GGACT: variants seen among roughly 807,000 people sequenced by gnomAD.
GGACT encodes the protein gamma-glutamylaminecyclotransferase.
For missense variants in GGACT, 241 were observed against 233.2 expected (o/e 1.03, Z -0.22); for synonymous variants, 118 against 115.3 (o/e 1.02, Z -0.15).
At chr13:100,553,957 A>G (rs774551622) in intron 2 of GGACT, among the ~76,000 whole-genome samples, 3 of 152,186 alleles carry the variant, frequency 2.0e-5, no homozygotes, top group Non-Finnish European at 4.4e-5. Flanking sequence ...ATACTTTCAT[A>G]AAATGTACAC....
intron 2 of GGACT, among the ~76,000 whole-genome samples, chr13:100,547,258 CAATG>C (rs1169476121): frequency 6.6e-6 from 1 of 152,160 alleles, no homozygotes; most frequent in Non-Finnish European, 1.5e-5. Flanking sequence ...CAGCCACTGA[CAATG>C]AACCTGCAAA....
rs143886938 is a variant in GGACT at position 100,578,351 on chromosome 13, A to C, written c.-11+5474T>G. On this transcript the variant is annotated intron_variant, in intron 2 of 2. Coordinates refer to ENST00000683975, the MANE Select transcript of GGACT (RefSeq NM_001195087.2). ...TGCCACCACTACACCGCAACCTGAG[A>C]GTCCAGAATGTGTCGCATTTGCGTA... Among the ~76,000 whole-genome samples the C allele has an allele frequency of 2.7e-3, 408 of 152,382 alleles. 12 individuals are homozygous for C. In the East Asian group the frequency reaches 0.052, roughly 19 times the overall value.
intron 2 of GGACT, among the ~76,000 whole-genome samples, chr13:100,575,966 T>C (rs1875236653): frequency 6.6e-6 from 1 of 152,222 alleles, no homozygotes; most frequent in African/African-American, 2.4e-5. Flanking sequence ...TGCTCAGGAA[T>C]GAAATGCATA....
intron 2 of GGACT, among the ~76,000 whole-genome samples, chr13:100,569,381 C>T (rs1446823537): frequency 6.6e-6 from 1 of 152,270 alleles, no homozygotes; most frequent in African/African-American, 2.4e-5. Context: ...ACAGGCCCAA[C>T]ACCACGTGTA....
intron 2 of GGACT, among the ~76,000 whole-genome samples, chr13:100,562,480 C>G (rs1402479090): frequency 6.6e-6 from 1 of 152,072 alleles, no homozygotes; most frequent in East Asian, 1.9e-4. Context: ...GGCAACTCAC[C>G]CAAAGTCACA....
chr13:100,535,545 T>C (rs978001115), intron 2 of GGACT, among the ~76,000 whole-genome samples: 1 of 152,092 alleles, frequency 6.6e-6, no homozygotes, highest in African/African-American at 2.4e-5. Context: ...ACACACGTGG[T>C]CCTGTGTGAT....
At chr13:100,540,818 G>A (rs1475571927) in intron 2 of GGACT, among the ~76,000 whole-genome samples, 15 of 152,326 alleles carry the variant, frequency 9.8e-5, no homozygotes, top group East Asian at 1.9e-4. Context: ...TCTCAGAACC[G>A]CAGCAGAATG....
rs936613116 is a variant in GGACT, at chr13:100,535,571, G to A, written c.-10-2970C>T. On this transcript the variant is annotated intron_variant, in intron 2 of 2. Transcript: ENST00000683975. ...CCTGTGTGATCTGCTGACATGTAGCGTGTGCCGCTGCTGTCATCACTGTAG... is the reference window on the plus strand; with the variant it reads ...CCTGTGTGATCTGCTGACATGTAGCATGTGCCGCTGCTGTCATCACTGTAG... Among the ~76,000 whole-genome samples the A allele has an allele frequency of 3.9e-5, 6 of 152,160 alleles. No homozygotes were observed. In the South Asian group the frequency reaches 6.2e-4, roughly 16 times the overall value.
At chr13:100,572,096 C>T (rs1875101848) in intron 2 of GGACT, among the ~76,000 whole-genome samples, 1 of 152,190 alleles carries the variant, frequency 6.6e-6, no homozygotes, top group Admixed American at 6.5e-5. Flanking sequence ...TGACATAGCT[C>T]ATGCACGTTC....
chr13:100,570,026 G>A (rs1361117624), intron 2 of GGACT, among the ~76,000 whole-genome samples: 1 of 152,162 alleles, frequency 6.6e-6, no homozygotes, highest in Non-Finnish European at 1.5e-5. Context: ...AAGTCTCTAG[G>A]AAGTTCCACA....
chr13:100,571,048 C>A (rs1362685620), intron 2 of GGACT, among the ~76,000 whole-genome samples: 1 of 152,098 alleles, frequency 6.6e-6, no homozygotes, highest in Non-Finnish European at 1.5e-5. Context: ...TGGATCAAAG[C>A]TCCAGCCCAA....
intron 2 of GGACT, among the ~76,000 whole-genome samples, chr13:100,566,582 T>C (rs1032762449): frequency 6.6e-6 from 1 of 152,222 alleles, no homozygotes; most frequent in Admixed American, 6.5e-5. Context: ...CTTTACCAGA[T>C]CCCTGGGGGC....
chr13:100,574,912 C>T (rs1019791452), intron 2 of GGACT, among the ~76,000 whole-genome samples: 1 of 151,952 alleles, frequency 6.6e-6, no homozygotes. Flanking sequence ...TCCAATTTAA[C>T]ACTTGAAACC....
chr13:100,532,180 C>A lies in GGACT; in HGVS notation c.412G>T (p.Asp138Tyr). The A allele has an allele frequency of 6.8e-7, 1 of 1,466,106 alleles. No individual in the cohort carries two copies. The highest frequency in any genetic ancestry group is 2.5e-5 in the East Asian group (1 of 39,960). The allele number at this position is 1,466,106 out of a possible 1,614,324, so 90.8% of individuals were successfully genotyped here. The change falls in exon 3 of 3, where the codon GAC becomes TAC. Residue 138 changes from aspartate (D) to tyrosine (Y), a missense_variant. By Grantham distance (160) the Asp-to-Tyr change is radical (BLOSUM62 -3). Coordinates refer to ENST00000683975, the MANE Select transcript of GGACT (RefSeq NM_001195087.2). The part of the protein sequence containing the change: ...WAQLPHHDSY[D>Y]SEGPHGLRYN... ...CGCAGCCCGTGCGGCCCCTCGGAGT[C>A]GTAGCTGTCATGGTGCGGGAGCTGG...
intron 2 of GGACT, among the ~76,000 whole-genome samples, chr13:100,549,086 G>A (rs1259218281): frequency 6.6e-6 from 1 of 152,138 alleles, no homozygotes; most frequent in Non-Finnish European, 1.5e-5. Flanking sequence ...AAGGGCTCGC[G>A]GCTGTAATCC....
At chr13:100,559,168 A>G (rs1356613208) in intron 2 of GGACT, among the ~76,000 whole-genome samples, 1 of 152,076 alleles carries the variant, frequency 6.6e-6, no homozygotes, top group Non-Finnish European at 1.5e-5. Context: ...TATACATTTT[A>G]TTTTACTTAT....
intron 2 of GGACT, among the ~76,000 whole-genome samples, chr13:100,557,722 CT>C (rs998054370): frequency 2.6e-5 from 4 of 152,112 alleles, no homozygotes; most frequent in Admixed American, 6.5e-5. Context: ...TAAGTTTTGA[CT>C]TCAGAATTTA....
chr13:100,577,207 G>A (rs1283250327), intron 2 of GGACT, among the ~76,000 whole-genome samples: 1 of 152,042 alleles, frequency 6.6e-6, no homozygotes, highest in Non-Finnish European at 1.5e-5. Flanking sequence ...TCTGAGGTCA[G>A]GAGTTCAAGA....
At position 100,532,357 on chromosome 13, in the gene GGACT, C is replaced by A; in HGVS notation, c.235G>T (p.Asp79Tyr). ...AGGGCCGGGCAACTCTCGAAGTCAT[C>A]CAGAAAGCGCAGCATCCGCTCGTCT... The part of the protein sequence containing the change: ...AVDERMLRFL[D>Y]DFESCPALYQ... The change falls in exon 3 of 3, where the codon GAT becomes TAT. Residue 79 changes from aspartate (D) to tyrosine (Y), a missense_variant. Asp to Tyr is a radical substitution (Grantham distance 160). Coordinates refer to ENST00000683975, the MANE Select transcript of GGACT (RefSeq NM_001195087.2). 6.4e-7 allele frequency: 1 copy of A among 1,550,650 alleles called. No homozygotes were observed. Among genetic ancestry groups the A allele is most frequent in the South Asian group, 1.2e-5 (1 of 84,050 alleles).
Sources: allele counts gnomAD v4.1 joint callset (sites outside exome capture counted in the v4.1 genomes callset), GRCh38; gene constraint gnomAD v4.1.1; transcripts MANE v1.5; gene names NCBI Gene and HGNC (gene_info 2026-07-23, HGNC 2026-07-21).